Variants in ADORA2A observed in about 807,000 individuals in gnomAD.
The protein encoded by ADORA2A is adenosine receptor A2a.
A neutral mutation model predicts 18.4 loss-of-function variants in ADORA2A; 11 were observed. The observed-to-expected ratio is 0.60, with a 90% CI of 0.38 to 0.99. ADORA2A has a LOEUF of 0.99. ADORA2A is among the 50% of genes least tolerant of loss of function. The probability of loss-of-function intolerance (pLI) is 0.01; values close to 1 mark genes in which losing one functional copy is unlikely to be tolerated. For missense variants in ADORA2A, 449 were observed against 556.1 expected (o/e 0.81, Z 1.94); for synonymous variants, 218 against 237.3 (o/e 0.92, Z 0.75).
intron 1 of ADORA2A, chr22:24,431,054 G>A (rs2043019655): frequency 4.5e-6 from 2 of 443,124 alleles, no homozygotes; most frequent in African/African-American, 2.0e-5. Flanking sequence ...GTACTGCTCA[G>A]GGAGAGAGGC....
chr22:24,424,250 T>A (rs1360051043), upstream of ADORA2A: 1 of 151,796 alleles, frequency 6.6e-6, no homozygotes. The surrounding 1 kb of genome is among the most constrained non-coding windows in gnomAD (Gnocchi z 4.9). Flanking sequence ...TGCGGGACCC[T>A]CCGAGCTGTC....
chr22:24,428,562 T>C (rs1476815454), intron 1 of ADORA2A, among the ~76,000 whole-genome samples: 3 of 152,262 alleles, frequency 2.0e-5, no homozygotes, highest in Non-Finnish European at 4.4e-5. Flanking sequence ...ATGCCATTCC[T>C]TTCTTTGCCT....
At chr22:24,439,558 A>G (rs1461940876) in intron 2 of ADORA2A, 1 of 152,162 alleles carries the variant, frequency 6.6e-6, no homozygotes, top group Non-Finnish European at 1.5e-5. Context: ...TGGTCTTGCC[A>G]GAATCAAAAC....
upstream of ADORA2A, chr22:24,424,654 G>C (rs1219042772): frequency 6.6e-6 from 1 of 152,578 alleles, no homozygotes; most frequent in African/African-American, 2.4e-5. This position sits in a 1 kb window ranked among gnomAD's most constrained non-coding sequence, Gnocchi z 4.9. Flanking sequence ...GTGGACAGTG[G>C]TGGCGGGAAC....
upstream of ADORA2A, among the ~76,000 whole-genome samples, chr22:24,425,078 T>C (rs1029469193): frequency 1.1e-4 from 16 of 152,076 alleles, no homozygotes; most frequent in Non-Finnish European, 1.9e-4. Context: ...TTCTCCCCTA[T>C]TGCCAGGTGC....
chr22:24,424,124 C>T (rs996750853), upstream of ADORA2A, among the ~76,000 whole-genome samples: 4 of 151,888 alleles, frequency 2.6e-5, no homozygotes, highest in South Asian at 2.1e-4. The surrounding 1 kb of genome is among the most constrained non-coding windows in gnomAD (Gnocchi z 4.9). Context: ...TCCTTTCCCG[C>T]CGCCCCGAGA....
At position 24,430,997 on chromosome 22, in the gene ADORA2A, TG is replaced by T. The variant is rs576804195; in HGVS notation, c.-274-2133del. ...GCCCGGGGCCAGCACCAGCTCCACT[TG>T]TACCTGTTGGGCAGGGGCTATCGTG... On this transcript the variant is annotated intron_variant, in intron 1 of 2. Transcript: ENST00000337539. 230 of 390,230 alleles carry T rather than the reference TG, an allele frequency of 5.9e-4. 3 individuals carry two copies. The highest frequency in any genetic ancestry group is 4.2e-3 in the South Asian group (228 of 53,754). 24.2% of individuals were successfully genotyped at this position (390,230 alleles called of 1,614,324 possible).
chr22:24,436,320 C>T (rs949128608), intron 2 of ADORA2A, among the ~76,000 whole-genome samples: 5 of 152,200 alleles, frequency 3.3e-5, no homozygotes, highest in African/African-American at 9.6e-5. Context: ...GCCTCCTCTA[C>T]GTGCCGTTTC....
At chr22:24,426,655 C>T (rs2146859392), upstream of ADORA2A, among the ~76,000 whole-genome samples, 1 of 152,258 alleles carries the variant, frequency 6.6e-6, no homozygotes, top group African/African-American at 2.4e-5. Flanking sequence ...GAGGCAGTTT[C>T]ATGGCGGAGG....
chr22:24,424,866 C>T (rs1415609511), upstream of ADORA2A, among the ~76,000 whole-genome samples: 2 of 152,084 alleles, frequency 1.3e-5, no homozygotes, highest in East Asian at 1.9e-4. This position sits in a 1 kb window ranked among gnomAD's most constrained non-coding sequence, Gnocchi z 4.9. Flanking sequence ...CCCTGTGTCC[C>T]GCACTCAGAC....
At position 24,441,587 on chromosome 22, in the gene ADORA2A, A is replaced by G; in HGVS notation, c.*98A>G. 1 of 1,259,472 alleles carries G rather than the reference A, an allele frequency of 7.9e-7. No individual in the cohort carries two copies. Among genetic ancestry groups the G allele is most frequent in the Non-Finnish European group, 1.0e-6 (1 of 960,872 alleles). 78.0% of individuals were successfully genotyped at this position (1,259,472 alleles called of 1,614,324 possible). A position where few individuals can be genotyped will look rare whatever the true frequency, so the allele number is the denominator to read the frequency against. On this transcript the variant is annotated 3_prime_UTR_variant, in exon 3 of 3. Coordinates refer to ENST00000337539, the MANE Select transcript of ADORA2A (RefSeq NM_000675.6). ...GGGAGAAGAGAGAGAGTGCCAGGAGACCCTGAGGGCAGCCGGTTCCTACTT... is the reference window on the plus strand; with the variant it reads ...GGGAGAAGAGAGAGAGTGCCAGGAGGCCCTGAGGGCAGCCGGTTCCTACTT...
At chr22:24,423,629 G>GT (rs1336651260), upstream of ADORA2A, 6 of 152,578 alleles carry the variant, frequency 3.9e-5, no homozygotes, top group Non-Finnish European at 8.8e-5. Context: ...TGGAAGGGAG[G>GT]TGAGTGTGGC....
chr22:24,439,348 A>G (rs965482816), intron 2 of ADORA2A: 11 of 152,080 alleles, frequency 7.2e-5, no homozygotes, highest in African/African-American at 2.4e-4. Flanking sequence ...GGTGTGAGCC[A>G]CTGCGCCCGG....
In ADORA2A at chr22:24,441,002, T is replaced by A. The variant is rs1198199300; in HGVS notation, c.752T>A (p.Ile251Asn). ...LFALCWLPLH[I>N]INCFTFFCPD... ...GCCCTCTGCTGGCTGCCCCTACACA[T>A]CATCAACTGCTTCACTTTCTTCTGC... Residue 251 changes from isoleucine (I) to asparagine (N), a missense_variant, in exon 3 of 3, where the codon ATC becomes AAC. Transcript: ENST00000337539. The A allele has an allele frequency of 1.2e-6, 2 of 1,614,134 alleles. No homozygotes were observed. The highest frequency in any genetic ancestry group is 1.1e-5 in the South Asian group (1 of 91,082).
At chr22:24,435,437 A>G (rs144757353) in intron 2 of ADORA2A, among the ~76,000 whole-genome samples, 128 of 152,320 alleles carry the variant, frequency 8.4e-4, no homozygotes, top group African/African-American at 3.0e-3. Context: ...TCTCTGATTC[A>G]AAGGGTATGA....
intron 2 of ADORA2A, among the ~76,000 whole-genome samples, chr22:24,440,309 C>A (rs183882720): frequency 6.6e-6 from 1 of 152,378 alleles, no homozygotes; most frequent in East Asian, 1.9e-4. Context: ...CAGGACTACT[C>A]CGAAAACTAC....
upstream of ADORA2A, among the ~76,000 whole-genome samples, chr22:24,425,530 T>C (rs535982322): frequency 7.9e-5 from 12 of 152,346 alleles, no homozygotes; most frequent in African/African-American, 2.6e-4. Context: ...GTTTCCCCAG[T>C]GCTGAGCTGG....
At chr22:24,427,795 C>T (rs1476631003) in intron 1 of ADORA2A, 49 bp downstream of exon 1, 1 of 152,202 alleles carries the variant, frequency 6.6e-6, no homozygotes, top group African/African-American at 2.4e-5. Flanking sequence ...CCTTCCTGGC[C>T]CCTAGCCTGG....
At chr22:24,426,621 AC>A (rs1352668500), upstream of ADORA2A, among the ~76,000 whole-genome samples, 1 of 152,052 alleles carries the variant, frequency 6.6e-6, no homozygotes, top group Non-Finnish European at 1.5e-5. Flanking sequence ...CCTGTGCAGA[AC>A]CTGGGGCTCT....
Sources: gnomAD v4.1 joint callset for allele counts (sites outside exome capture counted in the v4.1 genomes callset) on GRCh38, gnomAD v4.1.1 for gene constraint, Gnocchi (gnomAD v3.1) non-coding constraint, MANE v1.5 for transcripts, NCBI Gene and HGNC (gene_info 2026-07-23, HGNC 2026-07-21) for gene names.